The following ST6GALNAC3 variants were observed in gnomAD, a reference collection of about 807,000 sequenced individuals.
The protein encoded by ST6GALNAC3 is ST6 N-acetylgalactosaminide alpha-2,6-sialyltransferase 3.
A neutral mutation model predicts 32.7 loss-of-function variants in ST6GALNAC3; 25 were observed. The observed-to-expected ratio is 0.76, with a 90% confidence interval of 0.56 to 1.07. The LOEUF (loss-of-function observed/expected upper bound fraction) is 1.07, where lower values mean the gene tolerates loss of function less well. Among genes scored for constraint, ST6GALNAC3 ranks in the 50% least tolerant of loss-of-function variants. ST6GALNAC3 has a pLI of 0.00. For missense variants in ST6GALNAC3, 355 were observed against 382.4 expected, an observed-to-expected ratio of 0.93 and a Z score of 0.60; for synonymous variants, 129 against 133.1, an observed-to-expected ratio of 0.97 and a Z score of 0.21.
chr1:76,436,559 A>T (rs770783673), intron 3 of ST6GALNAC3, among the ~76,000 whole-genome samples: 1 of 152,166 alleles, frequency 6.6e-6, no homozygotes, highest in Non-Finnish European at 1.5e-5. Context: ...TGGAAATAAG[A>T]TCTTAACCAA....
At chr1:76,144,811 T>C (rs1402823904) in intron 1 of ST6GALNAC3, among the ~76,000 whole-genome samples, 24 of 152,228 alleles carry the variant, frequency 1.6e-4, no homozygotes, top group Admixed American at 1.6e-3. Context: ...CAAACATTGG[T>C]TACCAACTGG....
Position 76,281,174 on chromosome 1 carries a change from T to G in ST6GALNAC3, c.19-32631T>G, listed in dbSNP as rs143063062. On this transcript the variant is annotated intron_variant, in intron 1 of 4. Coordinates refer to ENST00000328299, the MANE Select transcript of ST6GALNAC3 (RefSeq NM_152996.4). ...GTGCCGACACCTTAATTCAAGCTTT[T>G]TTCTCCTTTAACTGAAGATATTATT... 1.5e-3 allele frequency among the ~76,000 whole-genome samples: 225 copies of G among 152,326 alleles called. 1 individual carries two copies. In the Middle Eastern group the frequency reaches 0.02, roughly 14 times the overall value.
intron 3 of ST6GALNAC3, among the ~76,000 whole-genome samples, chr1:76,415,943 C>A (rs1454535133): frequency 6.6e-6 from 1 of 151,456 alleles, no homozygotes; most frequent in East Asian, 1.9e-4. Flanking sequence ...AAGTTTACAT[C>A]CTCTATCTTA....
intron 3 of ST6GALNAC3, among the ~76,000 whole-genome samples, chr1:76,534,253 G>T (rs1369712682): frequency 2.0e-5 from 3 of 152,018 alleles, no homozygotes; most frequent in Non-Finnish European, 4.4e-5. Context: ...ATGTTGGCCA[G>T]ACTGGTCTCA....
intron 2 of ST6GALNAC3, among the ~76,000 whole-genome samples, chr1:76,339,036 C>T (rs1647739377): frequency 6.6e-6 from 1 of 152,140 alleles, no homozygotes; most frequent in Non-Finnish European, 1.5e-5. Context: ...ACCTTCCTTT[C>T]CCTACATTCT....
chr1:76,403,927 CG>C (rs768662907), intron 2 of ST6GALNAC3, among the ~76,000 whole-genome samples: 6,505 of 152,060 alleles, frequency 0.043, 153 homozygotes, highest in Middle Eastern at 0.048. Flanking sequence ...TTTGAGAAAA[CG>C]TGTTTTTTGC....
intron 2 of ST6GALNAC3, among the ~76,000 whole-genome samples, chr1:76,349,114 A>T (rs1283149028): frequency 6.6e-6 from 1 of 152,136 alleles, no homozygotes; most frequent in Admixed American, 6.5e-5. Flanking sequence ...TTCTTCTGAT[A>T]TTTACATATG....
At chr1:76,119,745 T>G (rs945582801) in intron 1 of ST6GALNAC3, among the ~76,000 whole-genome samples, 1 of 79,354 alleles carries the variant, frequency 1.3e-5, no homozygotes, top group African/African-American at 4.6e-5. Flanking sequence ...ATTTAGTGAG[T>G]ACAGAGTCCT....
chr1:76,285,907 C>T (rs747418012), intron 1 of ST6GALNAC3, among the ~76,000 whole-genome samples: 1 of 152,010 alleles, frequency 6.6e-6, no homozygotes, highest in Non-Finnish European at 1.5e-5. Flanking sequence ...GACACACACC[C>T]CCGCGCCCCC....
At chr1:76,274,286 T>G (rs1031191051) in intron 1 of ST6GALNAC3, among the ~76,000 whole-genome samples, 1 of 152,194 alleles carries the variant, frequency 6.6e-6, no homozygotes, top group African/African-American at 2.4e-5. Context: ...TTTTAAAGTT[T>G]TTATAAAAAT....
At chr1:76,452,560 G>T (rs185148225) in intron 3 of ST6GALNAC3, among the ~76,000 whole-genome samples, 3,554 of 152,168 alleles carry the variant, frequency 0.023, 76 homozygotes, top group Middle Eastern at 0.095. Flanking sequence ...TTTTAATTCT[G>T]TTTTTGTGGT....
At chr1:76,443,065 C>T (rs1656728223) in intron 3 of ST6GALNAC3, among the ~76,000 whole-genome samples, 1 of 152,132 alleles carries the variant, frequency 6.6e-6, no homozygotes, top group Admixed American at 6.5e-5. Flanking sequence ...TTGAAGTCTC[C>T]ATTTTTGAAG....
intron 3 of ST6GALNAC3, among the ~76,000 whole-genome samples, chr1:76,572,302 A>G (rs979218663): frequency 1.3e-5 from 2 of 152,158 alleles, no homozygotes; most frequent in African/African-American, 4.8e-5. Flanking sequence ...AACTTAGGCA[A>G]ATGAAGCAGT....
intron 3 of ST6GALNAC3, among the ~76,000 whole-genome samples, chr1:76,575,778 T>C (rs2100522551): frequency 6.6e-6 from 1 of 152,182 alleles, no homozygotes; most frequent in East Asian, 1.9e-4. Flanking sequence ...CTTGGTAGTG[T>C]AGTGGACTTT....
At chr1:76,208,974 T>A (rs1389769337) in intron 1 of ST6GALNAC3, among the ~76,000 whole-genome samples, 1 of 152,220 alleles carries the variant, frequency 6.6e-6, no homozygotes, top group African/African-American at 2.4e-5. Context: ...AGAAACCTTC[T>A]AATCTTCATC....
chr1:76,528,165 G>A (rs538991699), intron 3 of ST6GALNAC3, among the ~76,000 whole-genome samples: 1 of 152,180 alleles, frequency 6.6e-6, no homozygotes, highest in East Asian at 1.9e-4. Flanking sequence ...TTGAATGTGA[G>A]AATATCAAAG....
chr1:76,267,135 T>C (rs1438751932), intron 1 of ST6GALNAC3, among the ~76,000 whole-genome samples: 1 of 152,166 alleles, frequency 6.6e-6, no homozygotes, highest in African/African-American at 2.4e-5. Context: ...CAATTTGCGC[T>C]CTCTTTCCTA....
chr1:76,448,380 A>G (rs919368440), intron 3 of ST6GALNAC3, among the ~76,000 whole-genome samples: 1 of 152,202 alleles, frequency 6.6e-6, no homozygotes, highest in Non-Finnish European at 1.5e-5. Flanking sequence ...CTTGTCTCAC[A>G]TGAGACGTTG....
intron 3 of ST6GALNAC3, among the ~76,000 whole-genome samples, chr1:76,609,704 A>G (rs1199839621): frequency 6.6e-6 from 1 of 152,206 alleles, no homozygotes; most frequent in African/African-American, 2.4e-5. Flanking sequence ...TCATTAGCAT[A>G]TTAAAGATAC....
Sources: allele counts gnomAD v4.1 joint callset (sites outside exome capture counted in the v4.1 genomes callset), GRCh38; gene constraint gnomAD v4.1.1; transcripts MANE v1.5; gene names NCBI Gene and HGNC (gene_info 2026-07-23, HGNC 2026-07-21).